Variants in TESK2 observed in about 807,000 individuals in gnomAD.
TESK2 encodes the protein dual specificity testis-specific protein kinase 2.
In TESK2, 39 loss-of-function variants were observed where a neutral mutation model predicts 57.1. The ratio of observed to expected loss-of-function variants is 0.68; its 90% confidence interval spans 0.53 to 0.89. The LOEUF (loss-of-function observed/expected upper bound fraction) is 0.89. Among genes scored for constraint, TESK2 ranks in the 40% least tolerant of loss-of-function variants. The probability of loss-of-function intolerance (pLI) is 0.00; values close to 1 mark genes in which losing one functional copy is unlikely to be tolerated. For synonymous variants in TESK2, 249 were observed against 267.9 expected, an observed-to-expected ratio of 0.93 and a Z score of 0.69; for missense variants, 646 against 732.1, an observed-to-expected ratio of 0.88 and a Z score of 1.36.
chr1:45,406,118 G>C (rs1266483690), intron 3 of TESK2, among the ~76,000 whole-genome samples: 2 of 152,092 alleles, frequency 1.3e-5, no homozygotes, highest in African/African-American at 2.4e-5. Flanking sequence ...TGTAGTCTCA[G>C]CTACTTGGCA....
At chr1:45,394,020 C>T (rs953562933) in intron 3 of TESK2, among the ~76,000 whole-genome samples, 7 of 152,080 alleles carry the variant, frequency 4.6e-5, no homozygotes, top group Non-Finnish European at 1.0e-4. Context: ...CAAATCATAC[C>T]AGCTAGAATT....
chr1:45,398,089 T>C (rs1649439581), intron 3 of TESK2, among the ~76,000 whole-genome samples: 1 of 152,080 alleles, frequency 6.6e-6, no homozygotes, highest in Non-Finnish European at 1.5e-5. Flanking sequence ...TTAATTTTTT[T>C]GTAGAGATGG....
At chr1:45,461,861 G>GTATATAATGTATGTATATAATGTATGA (rs1652345479) in intron 1 of TESK2, among the ~76,000 whole-genome samples, 1 of 152,122 alleles carries the variant, frequency 6.6e-6, no homozygotes, top group Non-Finnish European at 1.5e-5. Context: ...GGCATACAAT[G>GTATATAATGTATGTATATAATGTATGA]TGTAATAATC....
intron 3 of TESK2, among the ~76,000 whole-genome samples, chr1:45,421,216 A>C (rs2149286756): frequency 6.6e-6 from 1 of 152,246 alleles, no homozygotes; most frequent in East Asian, 1.9e-4. Flanking sequence ...TGATCATGCC[A>C]CTATACTCCA....
chr1:45,461,681 T>C (rs1199760712), intron 1 of TESK2, among the ~76,000 whole-genome samples: 2 of 152,222 alleles, frequency 1.3e-5, no homozygotes, highest in Admixed American at 6.5e-5. Flanking sequence ...AAAACATATG[T>C]AAAGTACATA....
chr1:45,436,799 CTTTT>C (rs35797939), intron 2 of TESK2, among the ~76,000 whole-genome samples: 2 of 123,114 alleles, frequency 1.6e-5, no homozygotes, highest in South Asian at 2.7e-4. Flanking sequence ...ACATTAGTAT[CTTTT>C]TTTTTTTTTT....
At chr1:45,475,867 T>C (rs1652971346) in intron 1 of TESK2, among the ~76,000 whole-genome samples, 1 of 152,226 alleles carries the variant, frequency 6.6e-6, no homozygotes, top group Non-Finnish European at 1.5e-5. Context: ...TGCCCAAGAA[T>C]GTCAGACTCC....
chr1:45,473,928 G>T (rs1466454901), intron 1 of TESK2, among the ~76,000 whole-genome samples: 2 of 151,842 alleles, frequency 1.3e-5, no homozygotes, highest in African/African-American at 2.4e-5. Context: ...CCCCCAAAGT[G>T]CTAGGATTAC....
intron 4 of TESK2, among the ~76,000 whole-genome samples, chr1:45,383,038 C>T (rs1156482461): frequency 1.3e-5 from 2 of 152,144 alleles, no homozygotes; most frequent in South Asian, 2.1e-4. Flanking sequence ...AATATTCTTC[C>T]TAATAATGTC....
rs796420228 is a variant in TESK2, at chr1:45,486,818, C to CACACACACACACACACACACACAT, written c.-87+4033_-87+4034insATGTGTGTGTGTGTGTGTGTGTGT. 2.3e-3 allele frequency among the ~76,000 whole-genome samples: 329 copies of CACACACACACACACACACACACAT among 140,206 alleles called. 8 individuals are homozygous for CACACACACACACACACACACACAT. The highest frequency in any genetic ancestry group is 6.8e-3 in the African/African-American group (239 of 35,126). 92.0% of individuals were successfully genotyped at this position (140,206 alleles called of 152,430 possible). On this transcript the variant is annotated intron_variant, in intron 1 of 10. Transcript: ENST00000372086. ...ACACACACACACACACACACACACACATATATACATTTTTTTTTTTTGAGA... is the reference window on the plus strand; with the variant it reads ...ACACACACACACACACACACACACACACACACACACACACACACACACATATATATACATTTTTTTTTTTTGAGA...
chr1:45,398,982 T>TTA (rs1474585961), intron 3 of TESK2: 1 of 74,164 alleles, frequency 1.3e-5, no homozygotes, highest in South Asian at 9.9e-5. Flanking sequence ...GACTAGGACC[T>TTA]GAAAAAAAAA....
intron 3 of TESK2, among the ~76,000 whole-genome samples, chr1:45,410,772 A>AT (rs112512916): frequency 9.0e-4 from 134 of 148,358 alleles, no homozygotes; most frequent in African/African-American, 2.0e-3. Flanking sequence ...TTTATTTTTT[A>AT]TTTTTTTTTT....
Position 45,351,058 on chromosome 1 carries a change from C to T in TESK2, c.541-3058G>A, listed in dbSNP as rs144245758. 2.8e-4 allele frequency among the ~76,000 whole-genome samples: 43 copies of T among 152,336 alleles called. 1 individual carries two copies. The Middle Eastern group carries it at 0.034, about 120-fold the overall frequency. On this transcript the variant is annotated intron_variant, in intron 5 of 10. Coordinates refer to ENST00000372086, the MANE Select transcript of TESK2 (RefSeq NM_007170.3). ...GCTTCTATGCAGTCAACAATAACAACAGAAAAGAACTAAGAACTAAAGGTG... is the reference window on the plus strand; with the variant it reads ...GCTTCTATGCAGTCAACAATAACAATAGAAAAGAACTAAGAACTAAAGGTG...
intron 1 of TESK2, among the ~76,000 whole-genome samples, chr1:45,481,804 T>C (rs1156515131): frequency 6.6e-6 from 1 of 152,196 alleles, no homozygotes; most frequent in Admixed American, 6.5e-5. Context: ...TACTATAAGA[T>C]ATATACAAAT....
At chr1:45,440,934 T>C (rs1321420048) in intron 2 of TESK2, among the ~76,000 whole-genome samples, 2 of 152,128 alleles carry the variant, frequency 1.3e-5, no homozygotes, top group African/African-American at 4.8e-5. Flanking sequence ...AGGAACTGAA[T>C]GCTTCCAACA....
intron 1 of TESK2, among the ~76,000 whole-genome samples, chr1:45,475,681 C>T (rs569492487): frequency 5.9e-5 from 9 of 152,202 alleles, no homozygotes; most frequent in South Asian, 2.1e-4. Context: ...TGTGAGGGTG[C>T]GGCCAAGGGA....
chr1:45,431,951 A>T (rs530925996), intron 2 of TESK2, among the ~76,000 whole-genome samples: 14 of 152,204 alleles, frequency 9.2e-5, no homozygotes, highest in African/African-American at 3.4e-4. Context: ...ACCAGAAAAT[A>T]AAAAATTTTT....
chr1:45,430,735 C>G (rs746087226), intron 2 of TESK2, among the ~76,000 whole-genome samples: 3 of 152,140 alleles, frequency 2.0e-5, no homozygotes, highest in Non-Finnish European at 4.4e-5. Context: ...TTTGCTTCCT[C>G]TTTGGCGACA....
chr1:45,368,920 TG>T (rs1648064584), intron 4 of TESK2, among the ~76,000 whole-genome samples: 2 of 150,896 alleles, frequency 1.3e-5, no homozygotes, highest in African/African-American at 2.4e-5. Context: ...GGCTAATTTT[TG>T]TGTGTGTGTT....
Sources: gnomAD v4.1 joint callset for allele counts (sites outside exome capture counted in the v4.1 genomes callset) on GRCh38, gnomAD v4.1.1 for gene constraint, MANE v1.5 for transcripts, NCBI Gene and HGNC (gene_info 2026-07-23, HGNC 2026-07-21) for gene names.